Variants in FURIN observed in about 807,000 individuals in gnomAD.
FURIN encodes the protein furin, paired basic amino acid cleaving enzyme, also known as FES upstream region.
FURIN carries 18 observed loss-of-function variants against 89.2 expected under a neutral mutation model. The observed-to-expected ratio is 0.20, with a 90% CI of 0.14 to 0.30. The LOEUF (loss-of-function observed/expected upper bound fraction) is 0.30. Ranked by LOEUF, FURIN falls within the 10% of genes least tolerant of loss-of-function variation. The pLI, the probability that FURIN is intolerant of heterozygous loss-of-function variation, is 1.00. For missense variants in FURIN, 879 were observed against 1,100.5 expected (o/e 0.80, Z 2.85); for synonymous variants, 508 against 466.4 (o/e 1.09, Z -1.15).
rs756203537 is a variant in FURIN, at chr15:90,880,088, G to T, written c.1377-6G>T. 2 of 1,604,426 alleles carry T rather than the reference G, an allele frequency of 1.2e-6. No individual in the cohort carries two copies. The highest frequency in any genetic ancestry group is 1.7e-6 in the Non-Finnish European group (2 of 1,173,854). On this transcript the variant is annotated splice_region_variant and splice_polypyrimidine_tract_variant and intron_variant, in intron 12 of 15. Transcript: ENST00000268171. Reference sequence around the variant, plus strand: ...AGGCTGACCATCATGGTGCTCTCCTGCACAGAGACATCGGGAAACGGCTCG... The same window carrying T: ...AGGCTGACCATCATGGTGCTCTCCTTCACAGAGACATCGGGAAACGGCTCG...
chr15:90,872,771 G>A (rs2031386590), intron 1 of FURIN: 1 of 152,244 alleles, frequency 6.6e-6, no homozygotes, highest in Admixed American at 6.5e-5. Context: ...CTGGTAACAG[G>A]ACCCCGCGTG....
intron 1 of FURIN, among the ~76,000 whole-genome samples, chr15:90,874,232 C>T (rs967946562): frequency 1.2e-4 from 19 of 152,222 alleles, no homozygotes; most frequent in African/African-American, 3.9e-4. Flanking sequence ...GAGAGAGGTC[C>T]CGCCGTCTGT....
rs940809016 is a variant in FURIN, at chr15:90,875,679, C to T, written c.-62C>T. 26 of 1,413,696 alleles carry T rather than the reference C, an allele frequency of 1.8e-5. No individual in the cohort carries two copies. The highest frequency in any genetic ancestry group is 2.9e-5 in the African/African-American group (2 of 69,384). 87.6% of individuals were successfully genotyped at this position (1,413,696 alleles called of 1,614,324 possible). A position where few individuals can be genotyped will look rare whatever the true frequency, so the allele number is the denominator to read the frequency against. On this transcript the variant is annotated 5_prime_UTR_variant, in exon 2 of 16. An upstream open reading frame in the 5' UTR gains an earlier in-frame stop. Coordinates refer to ENST00000268171, the MANE Select transcript of FURIN (RefSeq NM_002569.4). The stretch of plus-strand genomic sequence containing the variant: ...AGGCAGTGAGCAGGCACCTGGGAGC[C>T]GAGGCCCTGTGACCAGGCCAAGGAG...
rs375847273 is a variant in FURIN at position 90,870,471 on chromosome 15, A to AT, written c.-160+1770dup. ...CTGGCTCATAGAAAACACTCAGTGG[A>AT]TTTTTTTTTTCCCATTACCCGGGAA... On this transcript the variant is annotated intron_variant, in intron 1 of 15. Coordinates refer to ENST00000268171, the MANE Select transcript of FURIN (RefSeq NM_002569.4). Among the ~76,000 whole-genome samples the AT allele has an allele frequency of 3.1e-3, 464 of 150,310 alleles. 3 individuals are homozygous for AT. The highest frequency in any genetic ancestry group is 0.011 in the African/African-American group (431 of 40,954).
rs775431473 is a variant in FURIN at position 90,877,603 on chromosome 15, G to A, written c.655G>A (p.Ala219Thr). ...CTGTGGTGTAGGTGTGGCCTACAAC[G>A]CCCGCATTGGAGGTGAGTGTGGGCC... is the stretch of plus-strand genomic sequence containing the variant. ...GVCGVGVAYN[A>T]RIGGVRMLDG... The change falls in exon 7 of 16, where the codon GCC (alanine) becomes ACC (threonine). Residue 219 changes from alanine to threonine, a missense_variant. Physicochemically the swap from Ala to Thr is moderately conservative, Grantham distance 58 (BLOSUM62 0). Around this residue, in one of 5 missense-constraint regions of FURIN, gnomAD observed 139 missense variants for 215.0 expected, o/e 0.65. Coordinates refer to ENST00000268171, the MANE Select transcript of FURIN (RefSeq NM_002569.4). 26 of 1,565,682 alleles carry A rather than the reference G, an allele frequency of 1.7e-5. No individual in the cohort carries two copies. In the East Asian group the frequency reaches 4.7e-4, roughly 28 times the overall value.
chr15:90,875,063 T>A (rs2031534408), intron 1 of FURIN, among the ~76,000 whole-genome samples: 1 of 140,360 alleles, frequency 7.1e-6, no homozygotes, highest in South Asian at 2.3e-4. Context: ...AGAGGGAGTA[T>A]CGTTCTGTCG....
At position 90,876,165 on chromosome 15, in the gene FURIN, C is replaced by G; in HGVS notation, c.178-90C>G. The G allele has an allele frequency of 1.1e-6, 1 of 939,130 alleles. No individual in the cohort carries two copies. The highest frequency in any genetic ancestry group is 1.7e-6 in the Non-Finnish European group (1 of 581,130). 58.2% of individuals were successfully genotyped at this position (939,130 alleles called of 1,614,324 possible). Reference sequence around the variant, plus strand: ...GCCCCGCACCCCCGACCGTGGCGAGCCTCCCATGAAGCCGTTGTCCACCCC... The same window carrying G: ...GCCCCGCACCCCCGACCGTGGCGAGGCTCCCATGAAGCCGTTGTCCACCCC... On this transcript the variant is annotated intron_variant, in intron 2 of 15. Transcript: ENST00000268171. This position sits in a 1 kb window ranked among gnomAD's most constrained non-coding sequence, Gnocchi z 5.0.
At position 90,876,832 on chromosome 15, in the gene FURIN, A is replaced by G; in HGVS notation, c.373-64A>G. On this transcript the variant is annotated intron_variant, in intron 4 of 15. Transcript: ENST00000268171. This position sits in a 1 kb window ranked among gnomAD's most constrained non-coding sequence, Gnocchi z 5.0. The stretch of plus-strand genomic sequence containing the variant: ...TTTTACGGGGGCAAAGGGATTCTTC[A>G]AGATGCTCCTAGCCTCACAAAACCA... The G allele has an allele frequency of 6.4e-7, 1 of 1,572,968 alleles. No individual in the cohort carries two copies. The highest frequency in any genetic ancestry group is 1.7e-5 in the Admixed American group (1 of 58,898).
Position 90,881,257 on chromosome 15 carries a change from C to A in FURIN, c.1793-29C>A. The A allele has an allele frequency of 6.6e-7, 1 of 1,522,110 alleles. No individual in the cohort carries two copies. 94.3% of individuals were successfully genotyped at this position (1,522,110 alleles called of 1,614,324 possible). On this transcript the variant is annotated intron_variant, in intron 15 of 15. Transcript: ENST00000268171. This position sits in a 1 kb window ranked among gnomAD's most constrained non-coding sequence, Gnocchi z 4.3. ...GGGGCTACAGTCTGTTTAGCTGACA[C>A]ACACTTGCCCTCTCTCCCACGCCGG...
chr15:90,876,128 C>T lies in FURIN; in HGVS notation c.178-127C>T, dbSNP rs2031604912. The T allele has an allele frequency of 1.2e-6, 1 of 801,892 alleles. No individual in the cohort carries two copies. The highest frequency in any genetic ancestry group is 1.8e-5 in the Admixed American group (1 of 54,566). The allele number at this position is 801,892 out of a possible 1,614,324, so 49.7% of individuals were successfully genotyped here. Reference sequence around the variant, plus strand: ...TCCCCGCATTTTGCTGGGTCCCGGACAGGGAGCAGATGCCCCGCACCCCCG... The same window carrying T: ...TCCCCGCATTTTGCTGGGTCCCGGATAGGGAGCAGATGCCCCGCACCCCCG... On this transcript the variant is annotated intron_variant, in intron 2 of 15. Transcript: ENST00000268171. This position sits in a 1 kb window ranked among gnomAD's most constrained non-coding sequence, Gnocchi z 5.0.
rs1214008633 is a variant in FURIN, at chr15:90,880,248, A to T, written c.1531A>T (p.Thr511Ser). ...LAIHLVSPMG[T>S]RSTLLAARPH... ...CATCCACCTGGTCAGCCCCATGGGCACCCGCTCCACCCTGCTGGCAGCCAG... is the reference window on the plus strand; with the variant it reads ...CATCCACCTGGTCAGCCCCATGGGCTCCCGCTCCACCCTGCTGGCAGCCAG... Residue 511 changes from threonine (T) to serine (S), a missense_variant, in exon 13 of 16, where the codon ACC becomes TCC. Physicochemically the swap from Thr to Ser is moderately conservative, Grantham distance 58. Transcript: ENST00000268171. The T allele has an allele frequency of 6.2e-7, 1 of 1,607,866 alleles. No individual in the cohort carries two copies. Among genetic ancestry groups the T allele is most frequent in the East Asian group, 2.2e-5 (1 of 44,734 alleles).
chr15:90,873,399 T>A (rs2031429029), intron 1 of FURIN, among the ~76,000 whole-genome samples: 1 of 152,152 alleles, frequency 6.6e-6, no homozygotes, highest in African/African-American at 2.4e-5. Context: ...TGCGGCTCCA[T>A]CTACAGTGTG....
At position 90,880,707 on chromosome 15, in the gene FURIN, G is replaced by A. The variant is rs202096241; in HGVS notation, c.1573G>A (p.Ala525Thr). The change falls in exon 14 of 16, where the codon GCA becomes ACA. Residue 525 changes from alanine (A) to threonine (T), a missense_variant. Coordinates refer to ENST00000268171, the MANE Select transcript of FURIN (RefSeq NM_002569.4). ...LLAARPHDYS[A>T]DGFNDWAFMT... is the part of the protein sequence containing the mutation. ...CCTCCCCAGGCCACATGACTACTCC[G>A]CAGATGGGTTTAATGACTGGGCCTT... is the stretch of plus-strand genomic sequence containing the variant. 4.3e-6 allele frequency: 7 copies of A among 1,613,820 alleles called. No homozygotes were observed. Among genetic ancestry groups the A allele is most frequent in the East Asian group, 4.5e-5 (2 of 44,886 alleles).
rs1223793790 is a variant in FURIN at position 90,881,214 on chromosome 15, T to G, written c.1793-72T>G. The G allele has an allele frequency of 7.7e-7, 1 of 1,299,924 alleles. No homozygotes were observed. Among genetic ancestry groups the G allele is most frequent in the East Asian group, 2.3e-5 (1 of 42,810 alleles). The allele number at this position is 1,299,924 out of a possible 1,614,324, so 80.5% of individuals were successfully genotyped here. A position where few individuals can be genotyped will look rare whatever the true frequency, so the allele number is the denominator to read the frequency against. ...ATCCTGGGGATGTGGTGACTTGGCT[T>G]GGGGCTGCTGTGGTCCTGGGGCTAC... On this transcript the variant is annotated intron_variant, in intron 15 of 15. Coordinates refer to ENST00000268171, the MANE Select transcript of FURIN (RefSeq NM_002569.4). This position sits in a 1 kb window ranked among gnomAD's most constrained non-coding sequence, Gnocchi z 4.3.
At position 90,882,336 on chromosome 15, in the gene FURIN, C is replaced by G. The variant is rs901368100; in HGVS notation, c.*458C>G. On this transcript the variant is annotated 3_prime_UTR_variant, in exon 16 of 16. Coordinates refer to ENST00000268171, the MANE Select transcript of FURIN (RefSeq NM_002569.4). Reference sequence around the variant, plus strand: ...CTCCAAGGGCTTCTGCACCCTCCACCCTGTCCCCCAGCTCTGGTGAGTCTT... The same window carrying G: ...CTCCAAGGGCTTCTGCACCCTCCACGCTGTCCCCCAGCTCTGGTGAGTCTT... The G allele has an allele frequency of 5.8e-6, 1 of 172,876 alleles. No homozygotes were observed. The highest frequency in any genetic ancestry group is 2.4e-5 in the African/African-American group (1 of 41,612). The allele number at this position is 172,876 out of a possible 1,614,324, so 10.7% of individuals were successfully genotyped here.
Position 90,876,776 on chromosome 15 carries a change from C to T in FURIN, c.373-120C>T. On this transcript the variant is annotated intron_variant, in intron 4 of 15. Transcript: ENST00000268171. This position sits in a 1 kb window ranked among gnomAD's most constrained non-coding sequence, Gnocchi z 5.0. Reference sequence around the variant, plus strand: ...TGGAGTCCAGACAGCCAGTGGCGGCCTTTCAGGAGCAGGGATGGTACAGGA... The same window carrying T: ...TGGAGTCCAGACAGCCAGTGGCGGCTTTTCAGGAGCAGGGATGGTACAGGA... 1.7e-6 allele frequency: 2 copies of T among 1,161,932 alleles called. No homozygotes were observed. Among genetic ancestry groups the T allele is most frequent in the East Asian group, 2.4e-5 (1 of 42,092 alleles). 72.0% of individuals were successfully genotyped at this position (1,161,932 alleles called of 1,614,324 possible). A position where few individuals can be genotyped will look rare whatever the true frequency, so the allele number is the denominator to read the frequency against.
Position 90,876,566 on chromosome 15 carries a change from C to T in FURIN, c.372+9C>T, listed in dbSNP as rs769409728. ...CTCAGCAGTGGTACCTGGTACGTGG[C>T]CTTCTTCGCTGCTGGGACCTCCTCC... On this transcript the variant is annotated intron_variant, in intron 4 of 15. Coordinates refer to ENST00000268171, the MANE Select transcript of FURIN (RefSeq NM_002569.4). The surrounding 1 kb of genome is among the most constrained non-coding windows in gnomAD (Gnocchi z 5.0). The T allele has an allele frequency of 1.3e-6, 2 of 1,568,254 alleles. No homozygotes were observed. The highest frequency in any genetic ancestry group is 1.8e-6 in the Non-Finnish European group (2 of 1,138,410).
intron 10 of FURIN, 47 bp downstream of exon 10, chr15:90,879,591 C>T (rs1290803426): frequency 6.5e-7 from 1 of 1,549,592 alleles, no homozygotes; most frequent in African/African-American, 1.4e-5. Context: ...CCAGCACTCT[C>T]TGTAGGGCAG....
rs113192503 is a variant in FURIN at position 90,875,073 on chromosome 15, G to T, written c.-159-509G>T. ...TTTTGAGAGGGAGTATCGTTCTGTC[G>T]CACAGACTGGGAATGCAGTGGCGCG... is the stretch of plus-strand genomic sequence containing the variant. On this transcript the variant is annotated intron_variant, in intron 1 of 15. Transcript: ENST00000268171. Among the ~76,000 whole-genome samples the T allele has an allele frequency of 1.7e-3, 229 of 132,078 alleles. 1 individual carries two copies. The highest frequency in any genetic ancestry group is 6.6e-3 in the African/African-American group (223 of 33,586). The allele number at this position is 132,078 out of a possible 152,430, so 86.6% of individuals were successfully genotyped here. A position where few individuals can be genotyped will look rare whatever the true frequency, so the allele number is the denominator to read the frequency against.
Sources: gnomAD v4.1 joint callset for allele counts (sites outside exome capture counted in the v4.1 genomes callset) on GRCh38, gnomAD v4.1.1 for gene constraint, gnomAD v4.1.1 regional missense constraint, Gnocchi (gnomAD v3.1) non-coding constraint, MANE v1.5 for transcripts, NCBI Gene and HGNC (gene_info 2026-07-23, HGNC 2026-07-21) for gene names.